Variants in SLC16A1 observed in about 807,000 individuals in gnomAD.
The protein encoded by SLC16A1 is solute carrier family 16 member 1.
A neutral mutation model predicts 32.2 loss-of-function variants in SLC16A1; 11 were observed. The observed-to-expected ratio is 0.34, with a 90% CI of 0.21 to 0.56. SLC16A1 has a LOEUF of 0.56. SLC16A1 is among the 20% of genes least tolerant of loss of function. The pLI, the probability that SLC16A1 is intolerant of heterozygous loss-of-function variation, is 0.87. For synonymous variants in SLC16A1, 231 were observed against 226.8 expected (o/e 1.02, Z -0.17); for missense variants, 435 against 615.0 (o/e 0.71, Z 3.10).
Position 112,923,595 on chromosome 1 carries a change from G to A in SLC16A1, c.218-1462C>T, listed in dbSNP as rs973426355. On this transcript the variant is annotated intron_variant, in intron 2 of 4. Transcript: ENST00000369626. Reference sequence around the variant, plus strand: ...TGATACCAAGGCCAATCCATTGTTTGGGAACTCCCTGAAACCTGACAGTCT... The same window carrying A: ...TGATACCAAGGCCAATCCATTGTTTAGGAACTCCCTGAAACCTGACAGTCT... 5 of 1,380,382 alleles carry A rather than the reference G, an allele frequency of 3.6e-6. No homozygotes were observed. In the African/African-American group the frequency reaches 5.7e-5, roughly 16 times the overall value. The allele number at this position is 1,380,382 out of a possible 1,614,324, so 85.5% of individuals were successfully genotyped here.
intron 1 of SLC16A1, among the ~76,000 whole-genome samples, chr1:112,946,870 G>C (rs1472813959): frequency 6.6e-6 from 1 of 152,154 alleles, no homozygotes; most frequent in Non-Finnish European, 1.5e-5. Flanking sequence ...TTGGCACAAA[G>C]AACTTATCTA....
At chr1:112,953,735 T>C (rs1649982245) in intron 1 of SLC16A1, among the ~76,000 whole-genome samples, 1 of 152,204 alleles carries the variant, frequency 6.6e-6, no homozygotes, top group South Asian at 2.1e-4. Context: ...ATGTCTGGAA[T>C]GTTCTTTCCA....
intron 4 of SLC16A1, among the ~76,000 whole-genome samples, chr1:112,915,350 A>G (rs1648463121): frequency 6.6e-6 from 1 of 152,204 alleles, no homozygotes; most frequent in African/African-American, 2.4e-5. Flanking sequence ...AGAGAACTGT[A>G]GTGCAAAGGC....
At chr1:112,951,183 C>T (rs1244074437) in intron 1 of SLC16A1, among the ~76,000 whole-genome samples, 2 of 151,984 alleles carry the variant, frequency 1.3e-5, no homozygotes, top group Non-Finnish European at 2.9e-5. Context: ...CTATAACACT[C>T]CCTTCCTGCA....
At chr1:112,955,120 C>T (rs1333735490) in intron 1 of SLC16A1, among the ~76,000 whole-genome samples, 1 of 152,130 alleles carries the variant, frequency 6.6e-6, no homozygotes, top group African/African-American at 2.4e-5. Context: ...TTCTAATCAG[C>T]CACTGGAAAC....
chr1:112,941,801 C>CT (rs1649521610), intron 1 of SLC16A1, among the ~76,000 whole-genome samples: 1 of 152,084 alleles, frequency 6.6e-6, no homozygotes, highest in African/African-American at 2.4e-5. Flanking sequence ...ATAGCATGTG[C>CT]TAAATTTGTG....
chr1:112,918,292 A>G (rs1288203244), intron 3 of SLC16A1, among the ~76,000 whole-genome samples: 1 of 152,170 alleles, frequency 6.6e-6, no homozygotes, highest in Non-Finnish European at 1.5e-5. Flanking sequence ...AAACGGGCAC[A>G]GGTCACTGTT....
rs371383029 is a variant in SLC16A1, at chr1:112,948,081, G to A, written c.-45+7954C>T. ...TAAAAATACAAAAAATTAGCCAGGC[G>A]TGGTGGTATGCGCCTATAATCCCAG... is the stretch of plus-strand genomic sequence containing the variant. On this transcript the variant is annotated intron_variant, in intron 1 of 4. Transcript: ENST00000369626. Among the ~76,000 whole-genome samples, 328 of 152,226 alleles carry A rather than the reference G, an allele frequency of 2.2e-3. 3 individuals carry two copies. The highest frequency in any genetic ancestry group is 0.021 in the South Asian group (100 of 4,828).
At chr1:112,947,377 A>G (rs916125909) in intron 1 of SLC16A1, among the ~76,000 whole-genome samples, 4 of 152,210 alleles carry the variant, frequency 2.6e-5, no homozygotes, top group South Asian at 2.1e-4. Context: ...TATATTAATA[A>G]TAGATGGTAT....
intron 1 of SLC16A1, among the ~76,000 whole-genome samples, chr1:112,932,557 A>G (rs1455541068): frequency 6.6e-6 from 1 of 152,122 alleles, no homozygotes; most frequent in East Asian, 1.9e-4. Flanking sequence ...AATCCCCAGC[A>G]CTTTGGGAGG....
At chr1:112,918,415 T>C (rs1648595678) in intron 3 of SLC16A1, among the ~76,000 whole-genome samples, 1 of 152,246 alleles carries the variant, frequency 6.6e-6, no homozygotes, top group Admixed American at 6.5e-5. Flanking sequence ...GGTGAATAAC[T>C]ATTTTGTCTA....
At chr1:112,919,867 T>A (rs1397986460) in intron 3 of SLC16A1, among the ~76,000 whole-genome samples, 1 of 152,226 alleles carries the variant, frequency 6.6e-6, no homozygotes, top group Non-Finnish European at 1.5e-5. Context: ...CTTGCCCAGT[T>A]CTTCCCTGTC....
chr1:112,938,073 T>G (rs866851827), intron 1 of SLC16A1, among the ~76,000 whole-genome samples: 1 of 152,188 alleles, frequency 6.6e-6, no homozygotes, highest in Non-Finnish European at 1.5e-5. Context: ...GAAAATAGTA[T>G]TCATCATGTT....
chr1:112,919,543 C>T (rs752913263), intron 3 of SLC16A1, among the ~76,000 whole-genome samples: 5 of 152,114 alleles, frequency 3.3e-5, no homozygotes, highest in African/African-American at 4.8e-5. Flanking sequence ...GGCCCTGTTT[C>T]AGGAACCAGT....
intron 1 of SLC16A1, among the ~76,000 whole-genome samples, chr1:112,939,171 G>A (rs74942496): frequency 2.0e-5 from 3 of 152,162 alleles, no homozygotes; most frequent in East Asian, 1.9e-4. Context: ...GATTACAGGC[G>A]TGAGCCACCG....
chr1:112,943,172 A>T (rs1442963864), intron 1 of SLC16A1, among the ~76,000 whole-genome samples: 1 of 152,218 alleles, frequency 6.6e-6, no homozygotes, highest in Non-Finnish European at 1.5e-5. Context: ...TACTTTTGGG[A>T]TAAGTACCCA....
intron 3 of SLC16A1, among the ~76,000 whole-genome samples, chr1:112,921,755 C>A (rs76177925): frequency 6.6e-6 from 1 of 152,178 alleles, no homozygotes; most frequent in Non-Finnish European, 1.5e-5. Flanking sequence ...ACAAGGAATG[C>A]AATCATTCTT....
intron 1 of SLC16A1, among the ~76,000 whole-genome samples, chr1:112,945,796 C>A (rs769611317): frequency 6.6e-6 from 1 of 151,852 alleles, no homozygotes; most frequent in East Asian, 2.0e-4. Flanking sequence ...AGTTCAGGAC[C>A]AGCCTGACCA....
chr1:112,912,933 C>T lies in SLC16A1; in HGVS notation c.*958G>A, dbSNP rs1008985495. 13 of 151,998 alleles carry T rather than the reference C, an allele frequency of 8.6e-5. No homozygotes were observed. The highest frequency in any genetic ancestry group is 1.6e-4 in the Non-Finnish European group (11 of 67,986). The allele number at this position is 151,998 out of a possible 1,614,324, so 9.4% of individuals were successfully genotyped here. A position where few individuals can be genotyped will look rare whatever the true frequency, so the allele number is the denominator to read the frequency against. ...GGAAAAATTCCAGGAAAAAAAAATTCCAATAGCTTCACAGTTTAACTGAGG... is the reference window on the plus strand; with the variant it reads ...GGAAAAATTCCAGGAAAAAAAAATTTCAATAGCTTCACAGTTTAACTGAGG... On this transcript the variant is annotated 3_prime_UTR_variant, in exon 5 of 5. Transcript: ENST00000369626.
Sources: gnomAD v4.1 joint callset for allele counts (sites outside exome capture counted in the v4.1 genomes callset) on GRCh38, gnomAD v4.1.1 for gene constraint, MANE v1.5 for transcripts, NCBI Gene and HGNC (gene_info 2026-07-23, HGNC 2026-07-21) for gene names.